Variants in ZNF280C observed in about 807,000 individuals in gnomAD.
ZNF280C encodes the protein suppressor of hairy wing homolog 3.
Under a neutral mutation model 53.6 loss-of-function variants are expected in ZNF280C, and 14 were observed. The ratio of observed to expected loss-of-function variants is 0.26; its 90% CI spans 0.17 to 0.41. The LOEUF is 0.41. Among genes scored for constraint, ZNF280C ranks in the 10% least tolerant of loss-of-function variants. The pLI, the probability that ZNF280C is intolerant of heterozygous loss-of-function variation, is 1.00. For synonymous variants in ZNF280C, 203 were observed against 181.1 expected (o/e 1.12, Z -0.97); for missense variants, 416 against 547.1 (o/e 0.76, Z 2.39).
intron 2 of ZNF280C, among the ~76,000 whole-genome samples, chrX:130,255,938 T>C (rs1251680699): frequency 9.0e-6 from 1 of 110,767 alleles, no homozygotes; most frequent in Non-Finnish European, 1.9e-5. Context: ...CTAGCCTGGG[T>C]GATGGAGAGT....
intron 16 of ZNF280C, among the ~76,000 whole-genome samples, chrX:130,207,641 C>T (rs946539219): frequency 9.0e-6 from 1 of 111,405 alleles, no homozygotes; most frequent in East Asian, 2.8e-4. Flanking sequence ...GGATTACAGG[C>T]ATGAGTCACC....
intron 2 of ZNF280C, among the ~76,000 whole-genome samples, chrX:130,251,553 T>C (rs2032510632): frequency 9.0e-6 from 1 of 110,983 alleles, no homozygotes; most frequent in South Asian, 3.7e-4. Flanking sequence ...TATTAAGCAT[T>C]AAATTGTTAG....
intron 2 of ZNF280C, among the ~76,000 whole-genome samples, chrX:130,257,761 T>C (rs1310432186): frequency 2.7e-5 from 3 of 112,131 alleles, no homozygotes; most frequent in Non-Finnish European, 3.8e-5. Context: ...TTCAAGTTGT[T>C]TGACTTTAAA....
At position 130,259,858 on chromosome X, in the gene ZNF280C, C is replaced by T. The variant is rs1402844436; in HGVS notation, c.31+561G>A. 3.6e-5 allele frequency among the ~76,000 whole-genome samples: 4 copies of T among 110,833 alleles called. No homozygotes were observed. In the South Asian group the frequency reaches 1.5e-3, roughly 42 times the overall value. ...TACAAAAATTAGCCAGGCATGGTGG[C>T]GGGTGCCTGTAATCCAAGCTACTTG... On this transcript the variant is annotated intron_variant, in intron 2 of 18. Coordinates refer to ENST00000370978, the MANE Select transcript of ZNF280C (RefSeq NM_017666.5).
At position 130,236,655 on chromosome X, in the gene ZNF280C, TAGTG is replaced by T. The variant is rs1465419940; in HGVS notation, c.494-20_494-17del. On this transcript the variant is annotated splice_polypyrimidine_tract_variant and intron_variant, in intron 6 of 18. Coordinates refer to ENST00000370978, the MANE Select transcript of ZNF280C (RefSeq NM_017666.5). ...TTTTTCATACCTACAAAGATTTAAATAGTGAGAAAGATATTTGTAAATATTTCAG... is the reference window on the plus strand; with the variant it reads ...TTTTTCATACCTACAAAGATTTAAATAGAAAGATATTTGTAAATATTTCAG... The T allele has an allele frequency of 1.9e-6, 2 of 1,073,989 alleles. No individual in the cohort carries two copies. The highest frequency in any genetic ancestry group is 2.6e-5 in the Admixed American group (1 of 38,880). The allele number at this position is 1,073,989 out of a possible 1,213,427, so 88.5% of individuals were successfully genotyped here. A position where few individuals can be genotyped will look rare whatever the true frequency, so the allele number is the denominator to read the frequency against.
chrX:130,241,689 A>C (rs2032392144), intron 5 of ZNF280C, among the ~76,000 whole-genome samples: 1 of 111,968 alleles, frequency 8.9e-6, no homozygotes, highest in Non-Finnish European at 1.9e-5. Context: ...GCTTGAGCCC[A>C]GGAGTTGGAG....
chrX:130,227,826 TA>T (rs763499175), intron 10 of ZNF280C, 44 bp from the exon 11 acceptor site: 7 of 723,093 alleles, frequency 9.7e-6, no homozygotes, highest in African/African-American at 4.2e-5. Flanking sequence ...AGGATGTATA[TA>T]AAAAAAGATT....
intron 2 of ZNF280C, among the ~76,000 whole-genome samples, chrX:130,257,983 TG>T: frequency 9.0e-6 from 1 of 111,056 alleles, no homozygotes; most frequent in East Asian, 2.8e-4. Flanking sequence ...CTGGGAGTGG[TG>T]GGGCACACCT....
At chrX:130,260,115 T>C (rs1409276016) in intron 2 of ZNF280C, among the ~76,000 whole-genome samples, 1 of 109,982 alleles carries the variant, frequency 9.1e-6, no homozygotes, top group Non-Finnish European at 1.9e-5. Flanking sequence ...ACCCCGTCTC[T>C]ACTGAAAATA....
At chrX:130,266,647 A>G (rs1012760487) in intron 1 of ZNF280C, among the ~76,000 whole-genome samples, 7 of 104,516 alleles carry the variant, frequency 6.7e-5, no homozygotes, top group African/African-American at 2.5e-4. Context: ...CAAAAAAATG[A>G]AAAAAAAAAC....
At chrX:130,248,900 T>A (rs2032477101) in intron 2 of ZNF280C, among the ~76,000 whole-genome samples, 1 of 111,884 alleles carries the variant, frequency 8.9e-6, no homozygotes, top group East Asian at 2.8e-4. Flanking sequence ...CCCTGCCCCG[T>A]AAGAACATAT....
Position 130,243,605 on chromosome X carries a change from T to C in ZNF280C, c.339A>G (p.Lys113=). 8.3e-7 allele frequency: 1 copy of C among 1,211,259 alleles called. No homozygotes were observed. Reference sequence around the variant, plus strand: ...CAACAGTAACAGAGCTTTGTGAAGATTTAGATACAAGATGAAATCTAGGCG... The same window carrying C: ...CAACAGTAACAGAGCTTTGTGAAGACTTAGATACAAGATGAAATCTAGGCG... ...AASPRFHLVS[K]SSQSSVTVEN... The change falls in exon 5 of 19, where the codon AAA becomes AAG. Residue 113 remains lysine, a synonymous_variant. Coordinates refer to ENST00000370978, the MANE Select transcript of ZNF280C (RefSeq NM_017666.5).
chrX:130,258,062 G>A (rs1422436227), intron 2 of ZNF280C, among the ~76,000 whole-genome samples: 1 of 111,733 alleles, frequency 8.9e-6, no homozygotes, highest in African/African-American at 3.3e-5. Context: ...AGGTTGCAGT[G>A]AGCAGAGATG....
chrX:130,247,778 C>A (rs986279992), intron 2 of ZNF280C, among the ~76,000 whole-genome samples: 1 of 110,356 alleles, frequency 9.1e-6, no homozygotes, highest in Non-Finnish European at 1.9e-5. Flanking sequence ...AGGAGATATA[C>A]TAGAAAAACG....
At chrX:130,232,598 T>C (rs916409632) in intron 8 of ZNF280C, among the ~76,000 whole-genome samples, 1 of 111,559 alleles carries the variant, frequency 9.0e-6, no homozygotes, top group Non-Finnish European at 1.9e-5. Context: ...TGCTCAACAT[T>C]GCTAACCATT....
At chrX:130,243,453 A>C in intron 5 of ZNF280C, 110 bp downstream of exon 5, 1 of 910,771 alleles carries the variant, frequency 1.1e-6, no homozygotes, top group Non-Finnish European at 1.5e-6. Context: ...CAAAGTACCA[A>C]AGATTACAGG....
chrX:130,263,089 T>C (rs961502082), intron 1 of ZNF280C, among the ~76,000 whole-genome samples: 19 of 112,280 alleles, frequency 1.7e-4, no homozygotes, highest in Middle Eastern at 4.6e-3. Flanking sequence ...TGTAGAGAAA[T>C]TGGAACCCTC....
intron 12 of ZNF280C, among the ~76,000 whole-genome samples, chrX:130,221,900 C>T (rs2032168326): frequency 8.1e-5 from 9 of 111,359 alleles, no homozygotes; most frequent in Admixed American, 3.8e-4. Context: ...TTCCGTAACA[C>T]TCCAGAATTC....
At chrX:130,256,121 G>A (rs1467646179) in intron 2 of ZNF280C, among the ~76,000 whole-genome samples, 6 of 110,353 alleles carry the variant, frequency 5.4e-5, no homozygotes, top group Non-Finnish European at 7.6e-5. Flanking sequence ...AACAGAGTAA[G>A]GGCTTATCTC....
Sources: allele counts gnomAD v4.1 joint callset (sites outside exome capture counted in the v4.1 genomes callset), GRCh38; gene constraint gnomAD v4.1.1; transcripts MANE v1.5; gene names NCBI Gene and HGNC (gene_info 2026-07-23, HGNC 2026-07-21).